MACF1: variants seen among roughly 807,000 people sequenced by gnomAD.
MACF1 encodes the protein microtubule-actin cross-linking factor 1.
A neutral mutation model predicts 854.8 loss-of-function variants in MACF1; 193 were observed. That is an observed-to-expected ratio of 0.23 (90% CI 0.20 to 0.25). The LOEUF (loss-of-function observed/expected upper bound fraction) is 0.25, where lower values mean the gene tolerates loss of function less well. MACF1 is among the 10% of genes least tolerant of loss of function. The pLI, the probability that MACF1 is intolerant of heterozygous loss-of-function variation, is 1.00. For synonymous variants in MACF1, 3,185 were observed against 3,226.7 expected (o/e 0.99, Z 0.44); for missense variants, 7,722 against 8,929.1 (o/e 0.86, Z 5.45).
chr1:39,136,111 G>A (rs905281015), intron 2 of MACF1, among the ~76,000 whole-genome samples: 1 of 152,188 alleles, frequency 6.6e-6, no homozygotes, highest in African/African-American at 2.4e-5. Flanking sequence ...CAGTAAGGGA[G>A]CTACATGTTC....
chr1:39,381,388 G>C (rs1313573867), intron 55 of MACF1, among the ~76,000 whole-genome samples: 1 of 141,584 alleles, frequency 7.1e-6, no homozygotes, highest in South Asian at 2.3e-4. Flanking sequence ...TGGGGGGGGG[G>C]ACAGGGTCTT....
chr1:39,437,146 G>A (rs1201875924), intron 70 of MACF1, among the ~76,000 whole-genome samples: 2 of 151,490 alleles, frequency 1.3e-5, no homozygotes, highest in African/African-American at 4.9e-5. Context: ...TCCCTTTTTT[G>A]TTACATTAGT....
At position 39,333,206 on chromosome 1, in the gene MACF1, T is replaced by C; in HGVS notation, c.6618T>C (p.Thr2206=). The stretch of plus-strand genomic sequence containing the variant: ...AGTTACAAGTTCAGGTAAAGAAAAC[T>C]CTAGGTATAAAGTTAGAACTAAAGT... ...SKKLQVQVKK[T]LGIKLELKSE... The change falls in exon 37 of 101, where the codon ACT becomes ACC. Residue 2206 remains threonine, a synonymous_variant. Transcript: ENST00000564288. 1.2e-6 allele frequency: 2 copies of C among 1,612,286 alleles called. No homozygotes were observed. The highest frequency in any genetic ancestry group is 1.1e-5 in the South Asian group (1 of 90,536).
chr1:39,143,367 GTAACATC>G (rs1340141320), intron 2 of MACF1, among the ~76,000 whole-genome samples: 2 of 152,154 alleles, frequency 1.3e-5, no homozygotes, highest in African/African-American at 4.8e-5. Context: ...TGGTTCATTT[GTAACATC>G]TTGGAGAGGA....
Position 39,402,104 on chromosome 1 carries a change from T to C in MACF1, c.15816+13446T>C, listed in dbSNP as rs192768227. On this transcript the variant is annotated intron_variant, in intron 58 of 100. Coordinates refer to ENST00000564288, the MANE Select transcript of MACF1 (RefSeq NM_001394062.1). ...GTGGGTGCCTATAATTCCAGCTACA[T>C]AGGAGGCTGAGGCAGGAGAATCGCT... Among the ~76,000 whole-genome samples the C allele has an allele frequency of 1.6e-4, 25 of 152,104 alleles. No homozygotes were observed. The East Asian group carries it at 4.6e-3, about 28-fold the overall frequency.
At chr1:39,416,577 A>G (rs1252178382) in intron 58 of MACF1, among the ~76,000 whole-genome samples, 2 of 152,234 alleles carry the variant, frequency 1.3e-5, no homozygotes, top group Admixed American at 6.5e-5. Context: ...ATAGTGAGGC[A>G]ATCAAATCTG....
rs1276126730 is a variant in MACF1, at chr1:39,453,898, A to T, written c.20886+48A>T. The T allele has an allele frequency of 3.1e-6, 5 of 1,601,804 alleles. No individual in the cohort carries two copies. The African/African-American group carries it at 6.7e-5, about 21-fold the overall frequency. On this transcript the variant is annotated intron_variant, in intron 88 of 100. Coordinates refer to ENST00000564288, the MANE Select transcript of MACF1 (RefSeq NM_001394062.1). ...GACTGCACACGCCCAGTAAACTATCACTATAGTATAGTATAGTATTTTTCC... is the reference window on the plus strand; with the variant it reads ...GACTGCACACGCCCAGTAAACTATCTCTATAGTATAGTATAGTATTTTTCC...
chr1:39,120,933 A>G (rs1642688660), intron 2 of MACF1: 1 of 152,328 alleles, frequency 6.6e-6, no homozygotes, highest in Non-Finnish European at 1.5e-5. Flanking sequence ...TATTCTAACT[A>G]TTTTTTAAAA....
intron 2 of MACF1, among the ~76,000 whole-genome samples, chr1:39,164,359 A>G (rs181755737): frequency 1.4e-4 from 22 of 152,334 alleles, no homozygotes; most frequent in Admixed American, 1.2e-3. Context: ...TGTAACACTG[A>G]ATACCTCTCT....
At chr1:39,322,396 C>T (rs1245419124) in intron 31 of MACF1, among the ~76,000 whole-genome samples, 1 of 152,208 alleles carries the variant, frequency 6.6e-6, no homozygotes, top group Non-Finnish European at 1.5e-5. Context: ...CACACCCTTT[C>T]ATCTATATAT....
At chr1:39,463,545 C>A (rs1264887605) in intron 93 of MACF1, 67 bp from the exon 94 acceptor site, 2 of 1,120,204 alleles carry the variant, frequency 1.8e-6, no homozygotes, top group African/African-American at 3.1e-5. Flanking sequence ...GTATAAAAAT[C>A]TTTGTTTCTC....
In MACF1 at chr1:39,357,825, G is replaced by C; in HGVS notation, c.11875G>C (p.Glu3959Gln). 1 of 1,614,082 alleles carries C rather than the reference G, an allele frequency of 6.2e-7. No homozygotes were observed. The highest frequency in any genetic ancestry group is 8.5e-7 in the Non-Finnish European group (1 of 1,180,006). The change falls in exon 45 of 101, where the codon GAA (glutamate) becomes CAA (glutamine). Residue 3959 changes from glutamate (E) to glutamine (Q), a missense_variant. Transcript: ENST00000564288. ...NSFKEGKEPSEIGNLVKDKLK... is the reference protein window; with the variant it reads ...NSFKEGKEPSQIGNLVKDKLK... Reference sequence around the variant, plus strand: ...TTTTAAGGAAGGCAAAGAACCATCAGAAATTGGAAACTTAGTAAAGGACAA... The same window carrying C: ...TTTTAAGGAAGGCAAAGAACCATCACAAATTGGAAACTTAGTAAAGGACAA...
chr1:39,220,407 A>G (rs1644636492), intron 1 of MACF1, among the ~76,000 whole-genome samples: 2 of 151,344 alleles, frequency 1.3e-5, no homozygotes, highest in Non-Finnish European at 2.9e-5. Context: ...TCCTGACCTC[A>G]AGTGATCTGC....
intron 61 of MACF1, 76 bp downstream of exon 61, chr1:39,424,270 C>T (rs1643652825): frequency 1.6e-6 from 2 of 1,256,932 alleles, no homozygotes; most frequent in African/African-American, 3.0e-5. Flanking sequence ...ACTATAAGTT[C>T]TTGGATGATT....
chr1:39,180,711 A>G (rs1418382685), intron 2 of MACF1, among the ~76,000 whole-genome samples: 5 of 152,172 alleles, frequency 3.3e-5, no homozygotes, highest in Non-Finnish European at 5.9e-5. Context: ...TGATTATTCT[A>G]TCCTTCTTCC....
intron 61 of MACF1, among the ~76,000 whole-genome samples, chr1:39,425,363 C>A (rs1449023075): frequency 6.6e-6 from 1 of 152,142 alleles, no homozygotes; most frequent in Non-Finnish European, 1.5e-5. Flanking sequence ...TCCCATCCCC[C>A]AGCTGCAGAT....
chr1:39,269,003 G>A, intron 6 of MACF1: 1 of 1,287,920 alleles, frequency 7.8e-7, no homozygotes, highest in South Asian at 1.2e-5. Context: ...TAGTCGATCG[G>A]GGGATGATAG....
intron 97 of MACF1, 41 bp downstream of exon 97, chr1:39,469,656 C>A: frequency 2.0e-6 from 3 of 1,465,758 alleles, no homozygotes; most frequent in African/African-American, 1.4e-5. Context: ...ACACCCTAGC[C>A]CATTGAGAAT....
At chr1:39,465,532 AG>A (rs1221775102) in intron 95 of MACF1, among the ~76,000 whole-genome samples, 1 of 152,234 alleles carries the variant, frequency 6.6e-6, no homozygotes, top group Non-Finnish European at 1.5e-5. Flanking sequence ...TAATATTTGT[AG>A]TTACTTATAT....
Sources: gnomAD v4.1 joint callset for allele counts (sites outside exome capture counted in the v4.1 genomes callset) on GRCh38, gnomAD v4.1.1 for gene constraint, MANE v1.5 for transcripts, NCBI Gene and HGNC (gene_info 2026-07-23, HGNC 2026-07-21) for gene names.